Variants in SLC22A16 observed in about 807,000 individuals in gnomAD.
SLC22A16 encodes the protein solute carrier family 22 member 16.
A neutral mutation model predicts 52.9 loss-of-function variants in SLC22A16; 53 were observed. The observed-to-expected ratio is 1.00, with a 90% CI of 0.80 to 1.26. The LOEUF is 1.26. Ranked by LOEUF, SLC22A16 falls within the 50% of genes most tolerant of loss-of-function variation. The pLI is 0.00. For missense variants in SLC22A16, 726 were observed against 704.0 expected, an observed-to-expected ratio of 1.03 and a Z score of -0.35; for synonymous variants, 291 against 268.8, an observed-to-expected ratio of 1.08 and a Z score of -0.81.
intron 1 of SLC22A16, among the ~76,000 whole-genome samples, chr6:110,464,768 A>T (rs1417380004): frequency 6.6e-6 from 1 of 152,064 alleles, no homozygotes; most frequent in Non-Finnish European, 1.5e-5. Context: ...AAGGAAGAGG[A>T]ATTCCTCCAT....
At chr6:110,427,412 A>G (rs1331834330) in intron 7 of SLC22A16, among the ~76,000 whole-genome samples, 1 of 152,134 alleles carries the variant, frequency 6.6e-6, no homozygotes, top group Non-Finnish European at 1.5e-5. Flanking sequence ...CCTTTTCTGT[A>G]AAATGGATGA....
chr6:110,471,657 G>C (rs1196730326), intron 1 of SLC22A16, among the ~76,000 whole-genome samples: 1 of 152,212 alleles, frequency 6.6e-6, no homozygotes, highest in African/African-American at 2.4e-5. Flanking sequence ...GTAACATTTA[G>C]TATCGTTGAT....
At chr6:110,473,953 C>A (rs1776367790) in intron 1 of SLC22A16, among the ~76,000 whole-genome samples, 2 of 152,098 alleles carry the variant, frequency 1.3e-5, no homozygotes, top group South Asian at 4.1e-4. Flanking sequence ...CCAGACTGGT[C>A]CATGGCCTGT....
chr6:110,433,854 A>C (rs556515383), intron 6 of SLC22A16, among the ~76,000 whole-genome samples: 1 of 152,212 alleles, frequency 6.6e-6, no homozygotes, highest in Non-Finnish European at 1.5e-5. Flanking sequence ...TCACAGAGGG[A>C]GATCTGTGGG....
intron 1 of SLC22A16, among the ~76,000 whole-genome samples, chr6:110,467,508 A>G (rs1168284666): frequency 6.6e-6 from 1 of 152,216 alleles, no homozygotes. Context: ...CAGTCACTTT[A>G]GTATCTCCTG....
At position 110,437,938 on chromosome 6, in the gene SLC22A16, C is replaced by A. The variant is rs184391203; in HGVS notation, c.1311+782G>T. ...GACATTGGAAACTACTAATCTCCTG[C>A]AATGAAAAACAGTGTACTGAAACTC... On this transcript the variant is annotated intron_variant, in intron 5 of 7. Transcript: ENST00000368919. 1.3e-3 allele frequency among the ~76,000 whole-genome samples: 191 copies of A among 152,264 alleles called. 4 individuals are homozygous for A. The highest frequency in any genetic ancestry group is 5.1e-4 in the Non-Finnish European group (35 of 68,022).
At chr6:110,457,841 G>T (rs748597573) in intron 1 of SLC22A16, among the ~76,000 whole-genome samples, 5 of 152,116 alleles carry the variant, frequency 3.3e-5, no homozygotes, top group African/African-American at 1.2e-4. Flanking sequence ...TAGCAGTAGC[G>T]TCAGTGCCAA....
intron 7 of SLC22A16, 191 bp from the exon 8 acceptor site, chr6:110,425,276 T>C: frequency 6.6e-7 from 1 of 1,513,422 alleles, no homozygotes; most frequent in Non-Finnish European, 8.9e-7. Context: ...TCAACGAGGT[T>C]TAATCTCATC....
At chr6:110,469,005 T>A (rs1776170569) in intron 1 of SLC22A16, among the ~76,000 whole-genome samples, 1 of 152,142 alleles carries the variant, frequency 6.6e-6, no homozygotes, top group South Asian at 2.1e-4. Context: ...AGGTGTTTCT[T>A]CCTTCCCTGT....
chr6:110,456,538 C>G lies in SLC22A16; in HGVS notation c.533G>C (p.Arg178Thr), dbSNP rs756267186. The change falls in exon 2 of 8, where the codon AGG becomes ACG. Residue 178 changes from arginine (R) to threonine (T), a missense_variant and splice_region_variant. Transcript: ENST00000368919. ...AACAATCCTAAATATTTGATTTTAC[C>G]TGTCAGAAAAGTAGCCAAAAGTCAC... ...GSVTFGYFSD[R>T]LGRRVVLWAT... The G allele has an allele frequency of 5.6e-6, 9 of 1,613,220 alleles. No homozygotes were observed. Among genetic ancestry groups the G allele is most frequent in the Middle Eastern group, 3.3e-4 (2 of 6,080 alleles).
intron 2 of SLC22A16, among the ~76,000 whole-genome samples, chr6:110,452,902 T>C (rs1484323176): frequency 2.0e-5 from 3 of 152,236 alleles, no homozygotes; most frequent in Admixed American, 2.0e-4. Context: ...CATTGATTAG[T>C]TTCTAATATT....
chr6:110,471,471 GAC>G (rs1476720253), intron 1 of SLC22A16, among the ~76,000 whole-genome samples: 1 of 152,192 alleles, frequency 6.6e-6, no homozygotes, highest in East Asian at 1.9e-4. Context: ...GCCCAACCTG[GAC>G]ACAGTCTAAA....
chr6:110,462,357 A>T lies in SLC22A16; in HGVS notation c.54-5340T>A, dbSNP rs575051838. 5.9e-5 allele frequency among the ~76,000 whole-genome samples: 9 copies of T among 152,322 alleles called. 1 individual carries two copies. Among genetic ancestry groups the T allele is most frequent in the African/African-American group, 1.9e-4 (8 of 41,570 alleles). Reference sequence around the variant, plus strand: ...CTCTCTAGCAATGGATCCTAACTAAAATGAAAATTCTGAAATGACAGATAA... The same window carrying T: ...CTCTCTAGCAATGGATCCTAACTAATATGAAAATTCTGAAATGACAGATAA... On this transcript the variant is annotated intron_variant, in intron 1 of 7. Coordinates refer to ENST00000368919, the MANE Select transcript of SLC22A16 (RefSeq NM_033125.4).
At chr6:110,446,732 T>C in intron 3 of SLC22A16, 141 bp downstream of exon 3, 1 of 747,298 alleles carries the variant, frequency 1.3e-6, no homozygotes, top group Non-Finnish European at 2.2e-6. Flanking sequence ...ATTGGTATTC[T>C]GTAGGCAGAC....
intron 1 of SLC22A16, among the ~76,000 whole-genome samples, chr6:110,464,931 A>T (rs1416983644): frequency 2.0e-5 from 3 of 152,038 alleles, no homozygotes; most frequent in Admixed American, 2.0e-4. Context: ...CATCAAAAAG[A>T]TAATCCATCA....
chr6:110,436,771 T>G (rs1029378481), intron 5 of SLC22A16, among the ~76,000 whole-genome samples: 4 of 152,254 alleles, frequency 2.6e-5, no homozygotes, highest in South Asian at 2.1e-4. Flanking sequence ...TTTGTTTGTT[T>G]GTTTGCAGCT....
At chr6:110,465,817 C>T (rs1316629597) in intron 1 of SLC22A16, among the ~76,000 whole-genome samples, 1 of 152,032 alleles carries the variant, frequency 6.6e-6, no homozygotes, top group Non-Finnish European at 1.5e-5. Flanking sequence ...ACAAAAGAGC[C>T]CAAATAGCCA....
rs201574154 is a variant in SLC22A16, at chr6:110,456,848, C to T, written c.223G>A (p.Gly75Arg). Residue 75 changes from glycine to arginine, a missense_variant, in exon 2 of 8, where the codon GGG (glycine) becomes AGG (arginine). Transcript: ENST00000368919. ...NHSNWSLEDT[G>R]ALLSSGQKDY... ...TTCTGGCCTGAAGACAACAGGGCCC[C>T]GGTGTCCTCCAAACTCCAATTAGAG... 493 of 1,614,110 alleles carry T rather than the reference C, an allele frequency of 3.1e-4. 3 individuals carry two copies. In the East Asian group the frequency reaches 8.9e-3, roughly 29 times the overall value.
At chr6:110,435,830 C>A in intron 6 of SLC22A16, 22 bp downstream of exon 6, 1 of 1,514,326 alleles carries the variant, frequency 6.6e-7, no homozygotes, top group Non-Finnish European at 9.0e-7. Context: ...AGGAAAACAA[C>A]CAGAAAACAA....
Sources: allele counts gnomAD v4.1 joint callset (sites outside exome capture counted in the v4.1 genomes callset), GRCh38; gene constraint gnomAD v4.1.1; transcripts MANE v1.5; gene names NCBI Gene and HGNC (gene_info 2026-07-23, HGNC 2026-07-21).